PSD: variants seen among roughly 807,000 people sequenced by gnomAD.
PSD encodes pleckstrin and Sec7 domain containing.
Under a neutral mutation model 91.6 loss-of-function variants are expected in PSD, and 32 were observed. That is an observed-to-expected ratio of 0.35 (90% CI 0.26 to 0.47). The LOEUF (loss-of-function observed/expected upper bound fraction) is 0.47. Ranked by LOEUF, PSD falls within the 20% of genes least tolerant of loss-of-function variation. The pLI, the probability that PSD is intolerant of heterozygous loss-of-function variation, is 1.00. For missense variants in PSD, 1,099 were observed against 1,373.9 expected, an observed-to-expected ratio of 0.80 and a Z score of 3.16; for synonymous variants, 532 against 569.3, an observed-to-expected ratio of 0.93 and a Z score of 0.93.
chr10:102,419,047 A>C, upstream of PSD: 1 of 291,210 alleles, frequency 3.4e-6, no homozygotes, highest in South Asian at 2.7e-5. This position sits in a 1 kb window ranked among gnomAD's most constrained non-coding sequence, Gnocchi z 4.8. Flanking sequence ...TCTCTCGCCC[A>C]CCGCCCCTTG....
At chr10:102,418,371 G>A (rs1271954399) in intron 1 of PSD, among the ~76,000 whole-genome samples, 2 of 152,072 alleles carry the variant, frequency 1.3e-5, no homozygotes, top group Non-Finnish European at 2.9e-5. Context: ...GACACTCACA[G>A]AGACCTACTG....
chr10:102,407,407 C>A (rs761197298), intron 10 of PSD, 141 bp from the exon 11 acceptor site: 27 of 530,604 alleles, frequency 5.1e-5, no homozygotes, highest in Non-Finnish European at 2.9e-5. Flanking sequence ...AATACAGGCT[C>A]CAGAATGGAG....
intron 11 of PSD, among the ~76,000 whole-genome samples, chr10:102,406,341 T>C (rs1284380548): frequency 2.6e-5 from 4 of 152,178 alleles, no homozygotes; most frequent in African/African-American, 7.2e-5. Flanking sequence ...AACTGGACAG[T>C]GAGGGAGTCT....
intron 1 of PSD, among the ~76,000 whole-genome samples, chr10:102,418,454 TC>T (rs1274931301): frequency 3.3e-5 from 5 of 151,460 alleles, no homozygotes; most frequent in Admixed American, 6.6e-5. Flanking sequence ...CACCGTCCCC[TC>T]CCCCCCACCT....
rs549519129 is a variant in PSD, at chr10:102,415,048, C to A, written c.939G>T (p.Ser313=). Reference sequence around the variant, plus strand: ...CAGAGCTGGGCTGACTTTCGATGGCCGAGTCGGCCTCCTCCCGCTCAGCCA... The same window carrying A: ...CAGAGCTGGGCTGACTTTCGATGGCAGAGTCGGCCTCCTCCCGCTCAGCCA... ...EVLAEREEAD[S]AIESQPSSEG... is the part of the protein sequence containing the mutation. Residue 313 remains serine, a synonymous_variant, in exon 4 of 17, where the codon TCG becomes TCT. Transcript: ENST00000020673. The A allele has an allele frequency of 3.7e-6, 6 of 1,613,928 alleles. No individual in the cohort carries two copies. Among genetic ancestry groups the A allele is most frequent in the Non-Finnish European group, 5.1e-6 (6 of 1,179,926 alleles).
chr10:102,418,442 C>T (rs1194036446), intron 1 of PSD, among the ~76,000 whole-genome samples: 1 of 152,106 alleles, frequency 6.6e-6, no homozygotes, highest in African/African-American at 2.4e-5. Flanking sequence ...AGCAGGGACA[C>T]ACACCGTCCC....
At position 102,412,026 on chromosome 10, in the gene PSD, A is replaced by G. The variant is rs564910715; in HGVS notation, c.1829+121T>C. Reference sequence around the variant, plus strand: ...CTCTGGCCCTTGGCCATGCCCAGCCATCTTGGGAAGGGTGATGTCAGGACG... The same window carrying G: ...CTCTGGCCCTTGGCCATGCCCAGCCGTCTTGGGAAGGGTGATGTCAGGACG... On this transcript the variant is annotated intron_variant, in intron 7 of 16. Transcript: ENST00000020673. 9 of 1,197,386 alleles carry G rather than the reference A, an allele frequency of 7.5e-6. No individual in the cohort carries two copies. The Admixed American group carries it at 1.0e-4, about 14-fold the overall frequency. The allele number at this position is 1,197,386 out of a possible 1,614,324, so 74.2% of individuals were successfully genotyped here.
rs762779182 is a variant in PSD at position 102,416,729 on chromosome 10, G to A, written c.310C>T (p.Arg104Cys). ...CTCACACTGGCCTTCTCCACAAAGC[G>A]GAAGATGACCACAGAGCTCTGGGCC... ...PGAQSSVVIF[R>C]FVEKASVRPL... Residue 104 changes from arginine (R) to cysteine (C), a missense_variant, in exon 2 of 17, where the codon CGC becomes TGC. Coordinates refer to ENST00000020673, the MANE Select transcript of PSD (RefSeq NM_002779.5). The surrounding 1 kb of genome is among the most constrained non-coding windows in gnomAD (Gnocchi z 6.0). 21 of 1,594,102 alleles carry A rather than the reference G, an allele frequency of 1.3e-5. No individual in the cohort carries two copies. Among genetic ancestry groups the A allele is most frequent in the South Asian group, 2.3e-5 (2 of 88,014 alleles).
chr10:102,403,850 C>T lies in PSD; in HGVS notation c.2836G>A (p.Glu946Lys), dbSNP rs375750185. The T allele has an allele frequency of 4.3e-6, 7 of 1,611,814 alleles. No homozygotes were observed. The highest frequency in any genetic ancestry group is 5.9e-6 in the Non-Finnish European group (7 of 1,178,988). The change falls in exon 16 of 17, where the codon GAG (glutamate) becomes AAG (lysine). Residue 946 changes from glutamate (E) to lysine (K), a missense_variant. By Grantham distance (56) the Glu-to-Lys change is moderately conservative. Transcript: ENST00000020673. This position sits in a 1 kb window ranked among gnomAD's most constrained non-coding sequence, Gnocchi z 6.7. ...CAGACAGGGAGGCTCACCTCAAACT[C>T]CAGGTAGGCCTCCTTCTGCCGCTGC... ...EEQRQKEAYL[E>K]FEKSRYSTYA...
chr10:102,413,133 T>A (rs1250751655), intron 5 of PSD, among the ~76,000 whole-genome samples: 1 of 152,102 alleles, frequency 6.6e-6, no homozygotes. Context: ...TCATTCCCTT[T>A]CTTTCCTCCC....
In PSD at chr10:102,416,350, C is replaced by A. The variant is rs2061480205; in HGVS notation, c.654+35G>T. 1.9e-6 allele frequency: 3 copies of A among 1,571,272 alleles called. No individual in the cohort carries two copies. Among genetic ancestry groups the A allele is most frequent in the African/African-American group, 1.3e-5 (1 of 74,540 alleles). ...CAGGAGGCTGAGCCTTGCCCCTTCA[C>A]TGGGGGCCCAGGGAGCCCAGGGGAA... On this transcript the variant is annotated intron_variant, in intron 2 of 16. Coordinates refer to ENST00000020673, the MANE Select transcript of PSD (RefSeq NM_002779.5). This position sits in a 1 kb window ranked among gnomAD's most constrained non-coding sequence, Gnocchi z 6.0.
chr10:102,410,730 G>A lies in PSD; in HGVS notation c.2091+128C>T. 2.6e-6 allele frequency: 2 copies of A among 760,392 alleles called. No individual in the cohort carries two copies. Among genetic ancestry groups the A allele is most frequent in the East Asian group, 2.5e-5 (1 of 40,096 alleles). 47.1% of individuals were successfully genotyped at this position (760,392 alleles called of 1,614,324 possible). On this transcript the variant is annotated intron_variant, in intron 10 of 16. Coordinates refer to ENST00000020673, the MANE Select transcript of PSD (RefSeq NM_002779.5). This position sits in a 1 kb window ranked among gnomAD's most constrained non-coding sequence, Gnocchi z 6.0. Reference sequence around the variant, plus strand: ...TCCCCAGGCTGAGTCACGAGAGCCCGGGCTTCCGTGGCAGGAGCCGGGGGT... The same window carrying A: ...TCCCCAGGCTGAGTCACGAGAGCCCAGGCTTCCGTGGCAGGAGCCGGGGGT...
chr10:102,410,829 A>G lies in PSD; in HGVS notation c.2091+29T>C. The G allele has an allele frequency of 6.6e-7, 1 of 1,518,898 alleles. No homozygotes were observed. Among genetic ancestry groups the G allele is most frequent in the Non-Finnish European group, 9.0e-7 (1 of 1,108,794 alleles). The allele number at this position is 1,518,898 out of a possible 1,614,324, so 94.1% of individuals were successfully genotyped here. ...ACTGGGTCCTCCATCCTTCCCCTCC[A>G]GCGACTTCTACCCTGCCCCGCCCCC... On this transcript the variant is annotated intron_variant, in intron 10 of 16. Coordinates refer to ENST00000020673, the MANE Select transcript of PSD (RefSeq NM_002779.5). This position sits in a 1 kb window ranked among gnomAD's most constrained non-coding sequence, Gnocchi z 6.0.
intron 1 of PSD, 132 bp downstream of exon 1, chr10:102,418,569 G>A (rs1332616984): frequency 2.7e-6 from 1 of 377,192 alleles, no homozygotes; most frequent in Non-Finnish European, 5.5e-6. Context: ...CCAGGTAAAG[G>A]GGCCTCTGGT....
At position 102,404,031 on chromosome 10, in the gene PSD, A is replaced by G. The variant is rs1352344769; in HGVS notation, c.2701-46T>C. 6.1e-6 allele frequency: 9 copies of G among 1,487,396 alleles called. No homozygotes were observed. The highest frequency in any genetic ancestry group is 8.1e-6 in the Non-Finnish European group (9 of 1,115,878). 92.1% of individuals were successfully genotyped at this position (1,487,396 alleles called of 1,614,324 possible). On this transcript the variant is annotated intron_variant, in intron 15 of 16. Transcript: ENST00000020673. This position sits in a 1 kb window ranked among gnomAD's most constrained non-coding sequence, Gnocchi z 5.7. The stretch of plus-strand genomic sequence containing the variant: ...TGGTCATGGTCACTCTGCCCTATAC[A>G]GTGCCTCTGCAGATTTTTAAAAAGA...
At chr10:102,407,137 A>G in intron 11 of PSD, 86 bp downstream of exon 11, 1 of 1,000,668 alleles carries the variant, frequency 1.0e-6, no homozygotes, top group East Asian at 3.0e-5. Context: ...ACCCCCACCC[A>G]GGGCCTACCC....
chr10:102,415,165 C>G lies in PSD; in HGVS notation c.822G>C (p.Gly274=), dbSNP rs147590698. The change falls in exon 4 of 17, where the codon GGG becomes GGC. Residue 274 remains glycine (G), a synonymous_variant. Coordinates refer to ENST00000020673, the MANE Select transcript of PSD (RefSeq NM_002779.5). ...ACTTGGCTGCTCGCCCCACAGCCAC[C>G]CCAGAGCCCTGCCTTGAGCCCACCC... ...PPGVGSRQGS[G]VAVGRAAKYS... 4 of 1,613,356 alleles carry G rather than the reference C, an allele frequency of 2.5e-6. No individual in the cohort carries two copies. The East Asian group carries it at 6.7e-5, about 27-fold the overall frequency.
At chr10:102,412,094 C>T (rs994638102) in intron 7 of PSD, 53 bp downstream of exon 7, 4 of 1,561,130 alleles carry the variant, frequency 2.6e-6, no homozygotes, top group Non-Finnish European at 2.6e-6. Context: ...ATCCTGGGGC[C>T]CTAACACGAA....
rs11591852 is a variant in PSD at position 102,405,683 on chromosome 10, G to A, written c.2136-147C>T. 47 of 720,794 alleles carry A rather than the reference G, an allele frequency of 6.5e-5. No homozygotes were observed. The African/African-American group carries it at 7.5e-4, about 11-fold the overall frequency. The allele number at this position is 720,794 out of a possible 1,614,324, so 44.6% of individuals were successfully genotyped here. ...GGGTCCTGCCATGTCTCCCGTCTCA[G>A]ATCAGGCCTCCACAATGTGTAGCTG... On this transcript the variant is annotated intron_variant, in intron 11 of 16. Transcript: ENST00000020673. The surrounding 1 kb of genome is among the most constrained non-coding windows in gnomAD (Gnocchi z 5.4).
Sources: gnomAD v4.1 joint callset for allele counts (sites outside exome capture counted in the v4.1 genomes callset) on GRCh38, gnomAD v4.1.1 for gene constraint, Gnocchi (gnomAD v3.1) non-coding constraint, MANE v1.5 for transcripts, NCBI Gene and HGNC (gene_info 2026-07-23, HGNC 2026-07-21) for gene names.